Variants in PKHD1 observed in about 807,000 individuals in gnomAD.
PKHD1 encodes PKHD1 ciliary IPT domain containing fibrocystin/polyductin.
A neutral mutation model predicts 412.0 loss-of-function variants in PKHD1; 291 were observed. The ratio of observed to expected loss-of-function variants is 0.71; its 90% confidence interval spans 0.64 to 0.78. The LOEUF (loss-of-function observed/expected upper bound fraction) is 0.78. Ranked by LOEUF, PKHD1 falls within the 30% of genes least tolerant of loss-of-function variation. The pLI, the probability that PKHD1 is intolerant of heterozygous loss-of-function variation, is 0.00. For synonymous variants in PKHD1, 1,777 were observed against 1,821.5 expected, an observed-to-expected ratio of 0.98 and a Z score of 0.62; for missense variants, 4,825 against 4,950.7, an observed-to-expected ratio of 0.97 and a Z score of 0.76.
chr6:51,699,920 A>AGTGTGTATGT lies in PKHD1; in HGVS notation c.10157-39952_10157-39951insACATACACAC, dbSNP rs57760395. ...TTTGGCCTCTGGAATATATATATGG[A>AGTGTGTATGT]GTGTGTGTGTGTGTGTGTGTGTGTG... On this transcript the variant is annotated intron_variant, in intron 60 of 66. Coordinates refer to ENST00000371117, the MANE Select transcript of PKHD1 (RefSeq NM_138694.4). 5.6e-3 allele frequency among the ~76,000 whole-genome samples: 778 copies of AGTGTGTATGT among 137,884 alleles called. 14 individuals are homozygous for AGTGTGTATGT. The highest frequency in any genetic ancestry group is 0.032 in the Middle Eastern group (9 of 282). 90.5% of individuals were successfully genotyped at this position (137,884 alleles called of 152,430 possible).
intron 60 of PKHD1, among the ~76,000 whole-genome samples, chr6:51,689,767 A>G (rs1777913115): frequency 6.6e-6 from 1 of 152,206 alleles, no homozygotes; most frequent in Non-Finnish European, 1.5e-5. Context: ...ATAATAAAAT[A>G]CCTAGGAATA....
Position 51,773,661 on chromosome 6 carries a change from G to A in PKHD1, c.8555-872C>T, listed in dbSNP as rs186924145. Among the ~76,000 whole-genome samples, 474 of 151,478 alleles carry A rather than the reference G, an allele frequency of 3.1e-3. 3 individuals are homozygous for A. The highest frequency in any genetic ancestry group is 0.01 in the African/African-American group (423 of 41,408). ...CTGCATATCCCTGGATTGATGCACT[G>A]TATTTTATTGCAAGTCATTAATCTA... On this transcript the variant is annotated intron_variant, in intron 54 of 66. Coordinates refer to ENST00000371117, the MANE Select transcript of PKHD1 (RefSeq NM_138694.4).
chr6:51,982,753 G>A (rs1271347232), intron 35 of PKHD1, among the ~76,000 whole-genome samples: 1 of 136,580 alleles, frequency 7.3e-6, no homozygotes, highest in African/African-American at 2.7e-5. Flanking sequence ...CTCCACTATT[G>A]TCCTATGACC....
At chr6:52,063,126 G>C (rs941737241) in intron 13 of PKHD1, among the ~76,000 whole-genome samples, 1 of 152,160 alleles carries the variant, frequency 6.6e-6, no homozygotes, top group African/African-American at 2.4e-5. Flanking sequence ...AGTTTCTCAA[G>C]TGTCATGGCC....
intron 52 of PKHD1, among the ~76,000 whole-genome samples, chr6:51,826,174 C>T (rs547843012): frequency 1.3e-5 from 2 of 152,220 alleles, no homozygotes; most frequent in Admixed American, 6.5e-5. Flanking sequence ...TGCAATTTAA[C>T]AAGGAGGTGC....
chr6:51,870,685 G>A (rs1183416426), intron 46 of PKHD1, 46 bp from the exon 47 acceptor site: 1 of 1,475,682 alleles, frequency 6.8e-7, no homozygotes. Context: ...AAGAAAACTG[G>A]ACACATGAAA....
chr6:51,836,535 C>A (rs1582955113), intron 50 of PKHD1, 66 bp from the exon 51 acceptor site: 2 of 1,144,520 alleles, frequency 1.7e-6, no homozygotes, highest in Non-Finnish European at 1.3e-6. Context: ...GACAGTCACA[C>A]GTGAGAAAAG....
Position 51,772,702 on chromosome 6 carries a change from C to G in PKHD1, c.8642G>C (p.Arg2881Thr). ...LGADIASGNE[R>T]IIVEDAVDWR... ...GCCCTAAGTTACTCTCATTCCTTAC[C>G]TCTCATTTCCTGAGGCAATATCAGC... The change falls in exon 55 of 67, where the codon AGA (arginine) becomes ACA (threonine). Residue 2881 changes from arginine (R) to threonine (T), a missense_variant and splice_region_variant. Physicochemically the swap from Arg to Thr is moderately conservative, Grantham distance 71. Coordinates refer to ENST00000371117, the MANE Select transcript of PKHD1 (RefSeq NM_138694.4). 6.6e-7 allele frequency: 1 copy of G among 1,516,786 alleles called. No individual in the cohort carries two copies. Among genetic ancestry groups the G allele is most frequent in the Non-Finnish European group, 9.1e-7 (1 of 1,093,628 alleles). The allele number at this position is 1,516,786 out of a possible 1,614,324, so 94.0% of individuals were successfully genotyped here.
intron 35 of PKHD1, among the ~76,000 whole-genome samples, chr6:51,983,803 C>T (rs1795883416): frequency 6.6e-6 from 1 of 152,208 alleles, no homozygotes; most frequent in Non-Finnish European, 1.5e-5. Flanking sequence ...CAGCACTGCA[C>T]CACCCATGAA....
chr6:51,766,090 G>A (rs1021031040), intron 55 of PKHD1, among the ~76,000 whole-genome samples: 1 of 151,996 alleles, frequency 6.6e-6, no homozygotes, highest in South Asian at 2.1e-4. Flanking sequence ...TTTGATTAAC[G>A]TTTGAGTTTT....
intron 26 of PKHD1, 125 bp downstream of exon 26, chr6:52,043,500 C>T (rs1243876162): frequency 1.3e-6 from 1 of 740,750 alleles, no homozygotes; most frequent in Admixed American, 2.0e-5. Flanking sequence ...TCTGCTACGT[C>T]ACTCAACCTC....
chr6:51,744,358 C>T, intron 60 of PKHD1, 27 bp downstream of exon 60: 2 of 1,601,360 alleles, frequency 1.2e-6, no homozygotes, highest in Non-Finnish European at 1.7e-6. Context: ...GCCTCTACCA[C>T]AGGCATTGCA....
chr6:52,068,411 G>C (rs769106926), intron 11 of PKHD1, among the ~76,000 whole-genome samples: 8 of 152,216 alleles, frequency 5.3e-5, no homozygotes, highest in African/African-American at 9.7e-5. Flanking sequence ...TCTAGGGTTT[G>C]ATAGCAATGG....
At chr6:51,958,814 T>TACACAC (rs112637668) in intron 36 of PKHD1, among the ~76,000 whole-genome samples, 15,434 of 149,540 alleles carry the variant, frequency 0.1, 843 homozygotes, top group Middle Eastern at 0.13. Flanking sequence ...AGCCACTAGC[T>TACACAC]ACACACACAC....
chr6:51,628,166 T>C (rs1310426962), intron 65 of PKHD1, among the ~76,000 whole-genome samples: 2 of 152,124 alleles, frequency 1.3e-5, no homozygotes, highest in Non-Finnish European at 2.9e-5. Context: ...TACAAATGAT[T>C]TCATCACCCA....
At chr6:51,779,533 C>A (rs1010930494) in intron 53 of PKHD1, among the ~76,000 whole-genome samples, 1 of 152,110 alleles carries the variant, frequency 6.6e-6, no homozygotes, top group Non-Finnish European at 1.5e-5. Context: ...GTATTCCCAG[C>A]AGAGTTTATT....
At chr6:52,071,947 T>A (rs1457436562) in intron 8 of PKHD1, among the ~76,000 whole-genome samples, 168 bp downstream of exon 8, 1 of 152,198 alleles carries the variant, frequency 6.6e-6, no homozygotes, top group East Asian at 1.9e-4. Flanking sequence ...AATCCCTGTG[T>A]CTTTTTCAGT....
At chr6:51,706,044 A>G (rs1342874030) in intron 60 of PKHD1, among the ~76,000 whole-genome samples, 1 of 152,176 alleles carries the variant, frequency 6.6e-6, no homozygotes, top group Non-Finnish European at 1.5e-5. Context: ...GCCCCAGGGT[A>G]AAACTTATGG....
chr6:51,937,640 T>G (rs562174691), intron 36 of PKHD1, among the ~76,000 whole-genome samples: 1 of 152,222 alleles, frequency 6.6e-6, no homozygotes, highest in East Asian at 1.9e-4. Flanking sequence ...GATGTATACT[T>G]GGACCAGACC....
Sources: gnomAD v4.1 joint callset for allele counts (sites outside exome capture counted in the v4.1 genomes callset) on GRCh38, gnomAD v4.1.1 for gene constraint, MANE v1.5 for transcripts, NCBI Gene and HGNC (gene_info 2026-07-23, HGNC 2026-07-21) for gene names.